Variants in AIG1 observed in about 807,000 individuals in gnomAD.
AIG1 encodes the protein androgen-induced gene 1 protein.
AIG1 carries 23 observed loss-of-function variants against 31.4 expected under a neutral mutation model. The ratio of observed to expected loss-of-function variants is 0.73; its 90% CI spans 0.53 to 1.04. The LOEUF (loss-of-function observed/expected upper bound fraction) is 1.04, where lower values mean the gene tolerates loss of function less well. Ranked by LOEUF, AIG1 falls within the 50% of genes least tolerant of loss-of-function variation. The pLI, the probability that AIG1 is intolerant of heterozygous loss-of-function variation, is 0.00. For synonymous variants in AIG1, 100 were observed against 110.5 expected (o/e 0.90, Z 0.60); for missense variants, 274 against 295.0 (o/e 0.93, Z 0.52).
intron 3 of AIG1, among the ~76,000 whole-genome samples, chr6:143,276,819 G>A (rs145152546): frequency 6.6e-6 from 1 of 152,144 alleles, no homozygotes; most frequent in Non-Finnish European, 1.5e-5. Flanking sequence ...ATTTCCCGAG[G>A]TAAAAATTCA....
At chr6:143,265,858 CCTA>C (rs2128662742) in intron 3 of AIG1, among the ~76,000 whole-genome samples, 1 of 152,308 alleles carries the variant, frequency 6.6e-6, no homozygotes, top group Non-Finnish European at 1.5e-5. Context: ...GCATTAAGCA[CCTA>C]CTAACTGAAA....
At chr6:143,177,952 T>C (rs1788329033) in intron 3 of AIG1, among the ~76,000 whole-genome samples, 1 of 152,098 alleles carries the variant, frequency 6.6e-6, no homozygotes, top group Non-Finnish European at 1.5e-5. Context: ...GCAGTTTTGC[T>C]CTGGAGGGAG....
intron 3 of AIG1, among the ~76,000 whole-genome samples, chr6:143,244,774 T>C (rs1035116226): frequency 8.5e-5 from 13 of 152,220 alleles, no homozygotes; most frequent in African/African-American, 3.1e-4. Context: ...TTTTGTGATA[T>C]GTTACAATAT....
At chr6:143,234,410 C>T (rs181909141) in intron 3 of AIG1, among the ~76,000 whole-genome samples, 7 of 152,286 alleles carry the variant, frequency 4.6e-5, no homozygotes, top group Admixed American at 3.3e-4. Context: ...AGTGAGAATG[C>T]CATAAATATC....
chr6:143,112,376 T>C (rs1331562775), intron 1 of AIG1, among the ~76,000 whole-genome samples: 2 of 152,230 alleles, frequency 1.3e-5, no homozygotes, highest in Non-Finnish European at 2.9e-5. Context: ...CTGGAATATA[T>C]TATATTGCAT....
intron 3 of AIG1, among the ~76,000 whole-genome samples, chr6:143,243,149 A>AG (rs1290319803): frequency 1.3e-5 from 2 of 152,204 alleles, no homozygotes; most frequent in African/African-American, 4.8e-5. Flanking sequence ...TTAGAAAAAA[A>AG]TCCTTGGTCC....
At chr6:143,181,883 G>C (rs188070419) in intron 3 of AIG1, among the ~76,000 whole-genome samples, 7 of 152,292 alleles carry the variant, frequency 4.6e-5, no homozygotes, top group Admixed American at 1.3e-4. Flanking sequence ...GGGGAGACCA[G>C]AGGAGAAAGA....
chr6:143,093,052 G>GA (rs558636122), intron 1 of AIG1, among the ~76,000 whole-genome samples: 33 of 152,128 alleles, frequency 2.2e-4, no homozygotes, highest in African/African-American at 7.5e-4. Context: ...TCTTGTCTCT[G>GA]AAAAAAACAA....
intron 1 of AIG1, among the ~76,000 whole-genome samples, chr6:143,062,748 A>G (rs1041202483): frequency 1.3e-5 from 2 of 152,182 alleles, no homozygotes; most frequent in African/African-American, 2.4e-5. Flanking sequence ...ACACTTAACT[A>G]TGTTAAGGAT....
At chr6:143,171,430 T>A (rs1206578354) in intron 3 of AIG1, among the ~76,000 whole-genome samples, 7 of 115,180 alleles carry the variant, frequency 6.1e-5, no homozygotes, top group African/African-American at 2.4e-4. Context: ...ATAATATATA[T>A]AATATATATA....
chr6:143,248,817 C>T (rs1472320006), intron 3 of AIG1, among the ~76,000 whole-genome samples: 1 of 152,156 alleles, frequency 6.6e-6, no homozygotes, highest in Non-Finnish European at 1.5e-5. Flanking sequence ...TTTTAAAAGT[C>T]CCACAGGAGA....
At chr6:143,181,660 G>GT (rs1788731590) in intron 3 of AIG1, among the ~76,000 whole-genome samples, 1 of 152,110 alleles carries the variant, frequency 6.6e-6, no homozygotes, top group African/African-American at 2.4e-5. Flanking sequence ...TGGAAAAAAT[G>GT]TATTATTTTT....
chr6:143,175,543 C>A (rs1051785265), intron 3 of AIG1, among the ~76,000 whole-genome samples: 4 of 152,058 alleles, frequency 2.6e-5, no homozygotes, highest in Non-Finnish European at 1.5e-5. Context: ...TGGGTTTATT[C>A]AAATGCCTTG....
At chr6:143,141,084 G>A (rs1323894610) in intron 2 of AIG1, among the ~76,000 whole-genome samples, 1 of 152,190 alleles carries the variant, frequency 6.6e-6, no homozygotes, top group Non-Finnish European at 1.5e-5. Flanking sequence ...TTGCTTCATG[G>A]TGCAGGCAAA....
At position 143,171,745 on chromosome 6, in the gene AIG1, G is replaced by C. The variant is rs533507719; in HGVS notation, c.399+6562G>C. Among the ~76,000 whole-genome samples, 138 of 151,076 alleles carry C rather than the reference G, an allele frequency of 9.1e-4. 2 individuals are homozygous for C. The highest frequency in any genetic ancestry group is 1.8e-3 in the Non-Finnish European group (123 of 67,804). The stretch of plus-strand genomic sequence containing the variant: ...GGTAGATCTACTTTTTGTTATTTTA[G>C]GAAACTCCACACTGTTTTCCATAGT... On this transcript the variant is annotated intron_variant, in intron 3 of 5. Transcript: ENST00000357847.
chr6:143,195,533 C>T (rs530938339), intron 3 of AIG1, among the ~76,000 whole-genome samples: 3 of 152,090 alleles, frequency 2.0e-5, no homozygotes, highest in South Asian at 2.1e-4. Context: ...GCTTCCTTCT[C>T]CAGGGCTGCG....
chr6:143,232,214 A>T lies in AIG1; in HGVS notation c.400-51896A>T, dbSNP rs919352882. 2.0e-5 allele frequency among the ~76,000 whole-genome samples: 3 copies of T among 152,312 alleles called. No individual in the cohort carries two copies. In the East Asian group the frequency reaches 5.8e-4, roughly 29 times the overall value. ...ATGGAATTTTCATATAAACCCCAGC[A>T]ATTAGTAGACAGGCAGCCCTTCTGA... On this transcript the variant is annotated intron_variant, in intron 3 of 5. Transcript: ENST00000357847.
At chr6:143,084,215 C>A (rs920793054) in intron 1 of AIG1, among the ~76,000 whole-genome samples, 1 of 152,204 alleles carries the variant, frequency 6.6e-6, no homozygotes, top group Non-Finnish European at 1.5e-5. Context: ...CACCCTCAGT[C>A]CTGCTACCGG....
Position 143,328,404 on chromosome 6 carries a change from GA to G in AIG1, c.516-4875del, listed in dbSNP as rs1776782055. 2.6e-5 allele frequency among the ~76,000 whole-genome samples: 4 copies of G among 152,276 alleles called. No individual in the cohort carries two copies. The South Asian group carries it at 8.3e-4, about 32-fold the overall frequency. On this transcript the variant is annotated intron_variant, in intron 4 of 5. Coordinates refer to ENST00000357847, the MANE Select transcript of AIG1 (RefSeq NM_016108.4). This position sits in a 1 kb window ranked among gnomAD's most constrained non-coding sequence, Gnocchi z 4.0. ...AGCTATGAAAAACATTGGTTTGAAA[GA>G]AAGTTAAATACACAAGAGAAAGAAA...
Sources: gnomAD v4.1 joint callset for allele counts (sites outside exome capture counted in the v4.1 genomes callset) on GRCh38, gnomAD v4.1.1 for gene constraint, Gnocchi (gnomAD v3.1) non-coding constraint, MANE v1.5 for transcripts, NCBI Gene and HGNC (gene_info 2026-07-23, HGNC 2026-07-21) for gene names.